The following YIPF1 variants were observed in gnomAD, a reference collection of about 807,000 sequenced individuals.
YIPF1 encodes protein YIPF1.
YIPF1 carries 22 observed loss-of-function variants against 37.0 expected under a neutral mutation model. That is an observed-to-expected ratio of 0.59 (90% confidence interval 0.42 to 0.85). The LOEUF (loss-of-function observed/expected upper bound fraction) is 0.85. Ranked by LOEUF, YIPF1 falls within the 40% of genes least tolerant of loss-of-function variation. The pLI is 0.00. For synonymous variants in YIPF1, 128 were observed against 131.9 expected (o/e 0.97, Z 0.21); for missense variants, 355 against 373.1 (o/e 0.95, Z 0.40).
intron 4 of YIPF1, among the ~76,000 whole-genome samples, chr1:53,880,537 C>T (rs1650462802): frequency 6.6e-6 from 1 of 152,174 alleles, no homozygotes; most frequent in South Asian, 2.1e-4. Context: ...CATTGACATT[C>T]TTCACGGAAT....
chr1:53,889,174 C>T (rs998496015), intron 2 of YIPF1, 70 bp downstream of exon 2: 12 of 419,126 alleles, frequency 2.9e-5, no homozygotes, highest in African/African-American at 5.9e-5. Flanking sequence ...AGAAACTAAC[C>T]CCGGGGATCC....
chr1:53,877,666 T>C (rs999194544), intron 6 of YIPF1, among the ~76,000 whole-genome samples: 4 of 152,152 alleles, frequency 2.6e-5, no homozygotes, highest in African/African-American at 9.7e-5. Flanking sequence ...AGCCAGCTCA[T>C]CTGAGGGCAG....
chr1:53,859,763 A>T (rs1649816483), intron 10 of YIPF1, among the ~76,000 whole-genome samples: 1 of 152,228 alleles, frequency 6.6e-6, no homozygotes, highest in African/African-American at 2.4e-5. Flanking sequence ...GAAAGGGTTC[A>T]GGGAGAAGAG....
intron 10 of YIPF1, among the ~76,000 whole-genome samples, chr1:53,853,006 T>A (rs76900399): frequency 6.6e-6 from 1 of 152,138 alleles, no homozygotes; most frequent in African/African-American, 2.4e-5. Flanking sequence ...ACTTCAGAGA[T>A]AGAAAAGACA....
chr1:53,874,390 T>C (rs1054442648), intron 6 of YIPF1, among the ~76,000 whole-genome samples: 1 of 152,234 alleles, frequency 6.6e-6, no homozygotes, highest in Non-Finnish European at 1.5e-5. Flanking sequence ...ATATTATGCA[T>C]TTTTATATTA....
chr1:53,861,477 C>T (rs1350742476), intron 9 of YIPF1, among the ~76,000 whole-genome samples: 1 of 152,124 alleles, frequency 6.6e-6, no homozygotes, highest in Non-Finnish European at 1.5e-5. Context: ...TGACTTTGGA[C>T]AAGTCGCTCC....
At chr1:53,855,660 C>T (rs970674605) in intron 10 of YIPF1, among the ~76,000 whole-genome samples, 1 of 152,172 alleles carries the variant, frequency 6.6e-6, no homozygotes, top group Non-Finnish European at 1.5e-5. Flanking sequence ...AGTATAGCAA[C>T]ATGCCACACA....
At position 53,853,109 on chromosome 1, in the gene YIPF1, T is replaced by A. The variant is rs114625984; in HGVS notation, c.*9-839A>T. 2.4e-3 allele frequency among the ~76,000 whole-genome samples: 364 copies of A among 152,270 alleles called. 2 individuals carry two copies. The highest frequency in any genetic ancestry group is 8.2e-3 in the African/African-American group (339 of 41,540). On this transcript the variant is annotated intron_variant, in intron 10 of 10. Coordinates refer to ENST00000072644, the MANE Select transcript of YIPF1 (RefSeq NM_018982.5). ...TTTCTATCTTGGGTGACTGGATGGA[T>A]TTCTTAATTAATCCAACAAATATTG...
intron 7 of YIPF1, among the ~76,000 whole-genome samples, chr1:53,867,573 C>A (rs372473505): frequency 6.6e-6 from 1 of 151,986 alleles, no homozygotes. Flanking sequence ...GGGGTTTCAC[C>A]GTGTTAGCCA....
intron 6 of YIPF1, 144 bp downstream of exon 6, chr1:53,878,171 T>C: frequency 1.4e-6 from 1 of 735,774 alleles, no homozygotes; most frequent in Admixed American, 2.5e-5. Flanking sequence ...CAAAATTACT[T>C]GCAAGGGTTG....
chr1:53,888,832 A>G lies in YIPF1; in HGVS notation c.31+75T>C, dbSNP rs1372525253. The G allele has an allele frequency of 2.9e-6, 4 of 1,376,964 alleles. No individual in the cohort carries two copies. In the East Asian group the frequency reaches 7.0e-5, roughly 24 times the overall value. The allele number at this position is 1,376,964 out of a possible 1,614,324, so 85.3% of individuals were successfully genotyped here. On this transcript the variant is annotated intron_variant, in intron 3 of 10. Coordinates refer to ENST00000072644, the MANE Select transcript of YIPF1 (RefSeq NM_018982.5). The stretch of plus-strand genomic sequence containing the variant: ...AATATCCTTCAATGTGTGAGGCAGT[A>G]TAGGAATGAAAATACTTGCTGTGAC...
intron 10 of YIPF1, among the ~76,000 whole-genome samples, chr1:53,859,750 T>C (rs1407936714): frequency 1.3e-5 from 2 of 152,152 alleles, no homozygotes; most frequent in Non-Finnish European, 1.5e-5. Context: ...TATTGTGTTC[T>C]AGGAAAGGGT....
chr1:53,856,035 C>T (rs986682961), intron 10 of YIPF1, among the ~76,000 whole-genome samples: 1 of 152,196 alleles, frequency 6.6e-6, no homozygotes, highest in East Asian at 1.9e-4. Context: ...CCAGAGATGA[C>T]AGTAGAAGGC....
chr1:53,878,575 T>C (rs777686338), intron 5 of YIPF1, 67 bp downstream of exon 5: 20 of 1,545,566 alleles, frequency 1.3e-5, no homozygotes, highest in Non-Finnish European at 1.8e-5. Flanking sequence ...CATTATTTGG[T>C]TGTTCAACCA....
intron 5 of YIPF1, 95 bp from the exon 6 acceptor site, chr1:53,878,497 G>T: frequency 1.3e-6 from 2 of 1,487,806 alleles, no homozygotes; most frequent in Non-Finnish European, 9.3e-7. Flanking sequence ...GAGCTTTTAT[G>T]ATAGTATTTT....
chr1:53,879,024 T>C (rs1205413558), intron 4 of YIPF1, among the ~76,000 whole-genome samples: 2 of 152,020 alleles, frequency 1.3e-5, no homozygotes, highest in African/African-American at 2.4e-5. Flanking sequence ...CAACAGTATA[T>C]AGAATTATGT....
intron 6 of YIPF1, among the ~76,000 whole-genome samples, chr1:53,877,329 T>C (rs1205674348): frequency 2.0e-5 from 3 of 152,238 alleles, no homozygotes; most frequent in African/African-American, 7.2e-5. Flanking sequence ...ATATGACTGC[T>C]TTACTATTTA....
intron 4 of YIPF1, among the ~76,000 whole-genome samples, chr1:53,881,478 A>C (rs1650500688): frequency 6.6e-6 from 1 of 152,080 alleles, no homozygotes; most frequent in South Asian, 2.1e-4. Context: ...CATCTAACAA[A>C]GGTCTAATAT....
chr1:53,852,782 CAAA>C (rs10708560), intron 10 of YIPF1, among the ~76,000 whole-genome samples: 8 of 144,960 alleles, frequency 5.5e-5, no homozygotes, highest in South Asian at 4.4e-4. Flanking sequence ...AATAGGGGGC[CAAA>C]AAAAAAAAGT....
Sources: gnomAD v4.1 joint callset for allele counts (sites outside exome capture counted in the v4.1 genomes callset) on GRCh38, gnomAD v4.1.1 for gene constraint, MANE v1.5 for transcripts, NCBI Gene and HGNC (gene_info 2026-07-23, HGNC 2026-07-21) for gene names.